Variants in RABEP2 observed in about 807,000 individuals in gnomAD.
The protein encoded by RABEP2 is rabaptin, RAB GTPase binding effector protein 2.
A neutral mutation model predicts 74.1 loss-of-function variants in RABEP2; 57 were observed. The ratio of observed to expected loss-of-function variants is 0.77; its 90% CI spans 0.62 to 0.96. The LOEUF (loss-of-function observed/expected upper bound fraction) is 0.96, where lower values mean the gene tolerates loss of function less well. Among genes scored for constraint, RABEP2 ranks in the 40% least tolerant of loss-of-function variants. The pLI is 0.00. For synonymous variants in RABEP2, 351 were observed against 344.0 expected (o/e 1.02, Z -0.23); for missense variants, 692 against 756.3 (o/e 0.91, Z 1.00).
At chr16:28,921,258 G>A (rs1287375987) in intron 2 of RABEP2, 1 of 455,808 alleles carries the variant, frequency 2.2e-6, no homozygotes, top group Non-Finnish European at 4.4e-6. Context: ...GCCACCGGGA[G>A]CTCACAGTCC....
Position 28,905,697 on chromosome 16 carries a change from C to G in RABEP2, c.1491+7G>C, listed in dbSNP as rs766559760. On this transcript the variant is annotated splice_region_variant and intron_variant, in intron 11 of 12. Coordinates refer to ENST00000358201, the MANE Select transcript of RABEP2 (RefSeq NM_024816.3). ...TCTCCTCCCAGTCCCCCTGCCCTCC[C>G]CCTCACCTTGCTCTGTTCCTGCTGC... The G allele has an allele frequency of 1.2e-6, 2 of 1,613,738 alleles. No homozygotes were observed. The highest frequency in any genetic ancestry group is 1.7e-6 in the Non-Finnish European group (2 of 1,179,840).
At chr16:28,922,489 A>G (rs2152223970) in intron 2 of RABEP2, among the ~76,000 whole-genome samples, 1 of 152,242 alleles carries the variant, frequency 6.6e-6, no homozygotes, top group East Asian at 1.9e-4. Context: ...TGGGAGGTCG[A>G]GGCAGGCAGA....
At chr16:28,924,364 T>C (rs368726218) in intron 2 of RABEP2, 39 bp downstream of exon 2, 5 of 1,553,164 alleles carry the variant, frequency 3.2e-6, no homozygotes, top group East Asian at 2.2e-5. Flanking sequence ...CTCCCCAGTA[T>C]GGGGTTGATG....
At position 28,919,518 on chromosome 16, in the gene RABEP2, T is replaced by A. The variant is rs561665309; in HGVS notation, c.432+268A>T. ...TCAATATTTAATAACAGTAAGAATT[T>A]TTTTTGTTACCCTTAAGTGTAAGTT... On this transcript the variant is annotated intron_variant, in intron 3 of 12. Coordinates refer to ENST00000358201, the MANE Select transcript of RABEP2 (RefSeq NM_024816.3). Among the ~76,000 whole-genome samples, 30 of 152,340 alleles carry A rather than the reference T, an allele frequency of 2.0e-4. No individual in the cohort carries two copies. In the East Asian group the frequency reaches 5.6e-3, roughly 28 times the overall value.
Position 28,908,732 on chromosome 16 carries a change from G to C in RABEP2, c.1122C>G (p.His374Gln). The C allele has an allele frequency of 1.2e-6, 2 of 1,614,152 alleles. No individual in the cohort carries two copies. The highest frequency in any genetic ancestry group is 1.7e-6 in the Non-Finnish European group (2 of 1,180,010). Residue 374 changes from histidine to glutamine, a missense_variant, in exon 8 of 13, where the codon CAC becomes CAG. By Grantham distance (24) the His-to-Gln change is conservative. Coordinates refer to ENST00000358201, the MANE Select transcript of RABEP2 (RefSeq NM_024816.3). Reference protein sequence around the residue: ...AELVTTHKCLHHEVKRLNEEN... With the variant: ...AELVTTHKCLQHEVKRLNEEN... ...CCTCATTCAACCGCTTTACCTCATG[G>C]TGCAGGCACTTGTGGGTGGTGACCA...
rs1049183992 is a variant in RABEP2, at chr16:28,905,742, T to C, written c.1453A>G (p.Arg485Gly). The C allele has an allele frequency of 6.2e-7, 1 of 1,613,972 alleles. No individual in the cohort carries two copies. The highest frequency in any genetic ancestry group is 1.7e-5 in the Admixed American group (1 of 60,018). Residue 485 changes from arginine (R) to glycine (G), a missense_variant, in exon 11 of 13, where the codon AGG becomes GGG. Physicochemically the swap from Arg to Gly is moderately radical, Grantham distance 125 (BLOSUM62 -2). Coordinates refer to ENST00000358201, the MANE Select transcript of RABEP2 (RefSeq NM_024816.3). ...EVLEASLCSL[R>G]TEMERVQQEQ... ...TGCTGCACCCGCTCCATCTCTGTCC[T>C]CAGGCTGCACAGGGAGGCTGGGAAG...
chr16:28,924,786 C>G, intron 1 of RABEP2, 171 bp from the exon 2 acceptor site: 1 of 732,536 alleles, frequency 1.4e-6, no homozygotes, highest in Non-Finnish European at 2.4e-6. Flanking sequence ...CTCGCTCTGC[C>G]GGGTGCTGCC....
intron 2 of RABEP2, among the ~76,000 whole-genome samples, chr16:28,922,850 C>T (rs1964484498): frequency 6.6e-6 from 1 of 151,478 alleles, no homozygotes; most frequent in East Asian, 1.9e-4. Context: ...GCTGAGACTG[C>T]ACCACTGAAC....
At chr16:28,908,431 G>A (rs956534218) in intron 8 of RABEP2, among the ~76,000 whole-genome samples, 178 bp downstream of exon 8, 5 of 152,228 alleles carry the variant, frequency 3.3e-5, no homozygotes, top group African/African-American at 9.6e-5. Flanking sequence ...TGATGCCAAT[G>A]CTGGAAAGCA....
intron 1 of RABEP2, 149 bp from the exon 2 acceptor site, chr16:28,924,764 G>A (rs1333905467): frequency 3.6e-6 from 1 of 276,054 alleles, no homozygotes; most frequent in Non-Finnish European, 6.4e-6. Flanking sequence ...CCCCTGCCCC[G>A]CCCCCTTCCC....
Position 28,908,623 on chromosome 16 carries a change from G to A in RABEP2, c.1231C>T (p.Pro411Ser). The A allele has an allele frequency of 6.2e-7, 1 of 1,612,858 alleles. No homozygotes were observed. The highest frequency in any genetic ancestry group is 1.3e-5 in the African/African-American group (1 of 75,058). ...QQEQGEEESL[P>S]SSVPELQQLL... ...ACTCAGCTTACTGGCACAGAGCTGG[G>A]CAGTGATTCCTCCTCGCCCTGCTCC... Residue 411 changes from proline to serine, a missense_variant, in exon 8 of 13, where the codon CCC (proline) becomes TCC (serine). Transcript: ENST00000358201.
chr16:28,905,590 C>A (rs1964214179), intron 11 of RABEP2, 77 bp from the exon 12 acceptor site: 5 of 1,557,590 alleles, frequency 3.2e-6, no homozygotes, highest in Non-Finnish European at 4.4e-6. Flanking sequence ...CCAGCCGTTG[C>A]CCCAGGGCTT....
chr16:28,920,742 G>A (rs563409301), intron 2 of RABEP2, among the ~76,000 whole-genome samples: 29 of 152,118 alleles, frequency 1.9e-4, no homozygotes, highest in African/African-American at 7.0e-4. Context: ...TGCACAACAT[G>A]CAGGTTTGTT....
chr16:28,914,488 G>A lies in RABEP2; in HGVS notation c.642C>T (p.Ser214=), dbSNP rs750274682. The A allele has an allele frequency of 1.4e-5, 22 of 1,613,062 alleles. No homozygotes were observed. Among genetic ancestry groups the A allele is most frequent in the Middle Eastern group, 1.6e-4 (1 of 6,084 alleles). ...CCTCAGCGGCTGGACCCCCATCTCCGCTCAGCTCCTCCAGAGGCTCCAGCG... is the reference window on the plus strand; with the variant it reads ...CCTCAGCGGCTGGACCCCCATCTCCACTCAGCTCCTCCAGAGGCTCCAGCG... ...SPPLEPLEEL[S]GDGGPAAEAF... Residue 214 remains serine (S), a synonymous_variant, in exon 5 of 13, where the codon AGC becomes AGT. Coordinates refer to ENST00000358201, the MANE Select transcript of RABEP2 (RefSeq NM_024816.3).
In RABEP2 at chr16:28,906,103, C is replaced by A. The variant is rs1400171569; in HGVS notation, c.1339G>T (p.Val447Leu). ...TCCTCCAGAGCCTCCCGCAGCGTCA[C>A]GATCTCGATCCGCAGGCGCTCGGCC... Reference protein sequence around the residue: ...HGAERLRIEIVTLREALEEET... With the variant: ...HGAERLRIEILTLREALEEET... The change falls in exon 9 of 13, where the codon GTG becomes TTG. Residue 447 changes from valine (V) to leucine (L), a missense_variant. Transcript: ENST00000358201. The A allele has an allele frequency of 5.0e-6, 8 of 1,596,122 alleles. No homozygotes were observed. Among genetic ancestry groups the A allele is most frequent in the Non-Finnish European group, 6.8e-6 (8 of 1,172,528 alleles).
chr16:28,905,960 C>A, intron 9 of RABEP2, 59 bp downstream of exon 9: 2 of 1,612,278 alleles, frequency 1.2e-6, no homozygotes, highest in Non-Finnish European at 8.5e-7. Flanking sequence ...CCGGTGGCTC[C>A]CTGCAAGGCC....
At chr16:28,914,203 G>A in intron 5 of RABEP2, 33 bp downstream of exon 5, 2 of 1,516,840 alleles carry the variant, frequency 1.3e-6, no homozygotes, top group Non-Finnish European at 1.8e-6. Flanking sequence ...AGAGGGGGAT[G>A]GTACACCCCG....
intron 3 of RABEP2, among the ~76,000 whole-genome samples, chr16:28,916,981 C>G (rs1197639448): frequency 7.0e-6 from 1 of 143,454 alleles, no homozygotes; most frequent in Non-Finnish European, 1.5e-5. Context: ...GAGCAAGACT[C>G]CATCTCAAAA....
rs866819340 is a variant in RABEP2, at chr16:28,904,759, C to T, written c.*184G>A. 6 of 647,844 alleles carry T rather than the reference C, an allele frequency of 9.3e-6. No homozygotes were observed. In the South Asian group the frequency reaches 1.2e-4, roughly 13 times the overall value. The allele number at this position is 647,844 out of a possible 1,614,324, so 40.1% of individuals were successfully genotyped here. A position where few individuals can be genotyped will look rare whatever the true frequency, so the allele number is the denominator to read the frequency against. On this transcript the variant is annotated 3_prime_UTR_variant, in exon 13 of 13. Coordinates refer to ENST00000358201, the MANE Select transcript of RABEP2 (RefSeq NM_024816.3). ...CTCACCCAGGTGTGATCCCTGAGAACAGGAGGCCCAGCCACCCTGGGAGGA... is the reference window on the plus strand; with the variant it reads ...CTCACCCAGGTGTGATCCCTGAGAATAGGAGGCCCAGCCACCCTGGGAGGA...
Sources: gnomAD v4.1 joint callset for allele counts (sites outside exome capture counted in the v4.1 genomes callset) on GRCh38, gnomAD v4.1.1 for gene constraint, MANE v1.5 for transcripts, NCBI Gene and HGNC (gene_info 2026-07-23, HGNC 2026-07-21) for gene names.